Variants in PCNT observed in about 807,000 individuals in gnomAD.
PCNT encodes the protein kendrin.
In PCNT, 319 loss-of-function variants were observed where a neutral mutation model predicts 380.4. The observed-to-expected ratio is 0.84, with a 90% confidence interval of 0.77 to 0.92. The LOEUF (loss-of-function observed/expected upper bound fraction) is 0.92, where lower values mean the gene tolerates loss of function less well. Among genes scored for constraint, PCNT ranks in the 40% least tolerant of loss-of-function variants. PCNT has a pLI of 0.00. For missense variants in PCNT, 4,400 were observed against 4,255.3 expected (o/e 1.03, Z -0.95); for synonymous variants, 1,845 against 1,735.2 (o/e 1.06, Z -1.57).
chr21:46,377,701 A>T (rs2085373906), intron 15 of PCNT, among the ~76,000 whole-genome samples: 1 of 152,084 alleles, frequency 6.6e-6, no homozygotes, highest in African/African-American at 2.4e-5. Context: ...TAAAAAAATT[A>T]GCCTGGCATG....
chr21:46,355,225 A>G (rs2084428451), intron 11 of PCNT, among the ~76,000 whole-genome samples: 1 of 152,182 alleles, frequency 6.6e-6, no homozygotes, highest in Non-Finnish European at 1.5e-5. Context: ...AGTGCCACCA[A>G]TTCTTGTATG....
chr21:46,324,925 G>C, intron 1 of PCNT: 1 of 985,422 alleles, frequency 1.0e-6, no homozygotes, highest in Non-Finnish European at 1.2e-6. Flanking sequence ...CCCCCGCGGC[G>C]CTCCCGGCCG....
intron 20 of PCNT, 49 bp downstream of exon 20, chr21:46,390,881 A>T (rs768690929): frequency 6.4e-7 from 1 of 1,573,622 alleles, no homozygotes; most frequent in Non-Finnish European, 8.7e-7. Context: ...CACGGGGAGC[A>T]GGCCTGGCCT....
At chr21:46,439,994 C>T in intron 41 of PCNT, 89 bp from the exon 42 acceptor site, 1 of 1,548,422 alleles carries the variant, frequency 6.5e-7, no homozygotes, top group African/African-American at 1.4e-5. Flanking sequence ...CGCACATGGC[C>T]TTCTCCCTCA....
rs150396918 is a variant in PCNT at position 46,334,074 on chromosome 21, G to A, written c.268-323G>A. Among the ~76,000 whole-genome samples the A allele has an allele frequency of 8.4e-3, 1,280 of 151,822 alleles. 17 individuals carry two copies. The highest frequency in any genetic ancestry group is 0.029 in the African/African-American group (1,198 of 41,424). On this transcript the variant is annotated intron_variant, in intron 2 of 46. Coordinates refer to ENST00000359568, the MANE Select transcript of PCNT (RefSeq NM_006031.6). ...ACAAAAATTAGCTGGGCGTGGTGGC[G>A]GGCACCCATAGTCCCAGCTACTAGG...
At chr21:46,349,569 C>A in intron 7 of PCNT, 115 bp from the exon 8 acceptor site, 1 of 1,124,798 alleles carries the variant, frequency 8.9e-7, no homozygotes, top group Non-Finnish European at 1.4e-6. Flanking sequence ...GGCCCGGGGG[C>A]GCCCAGGATG....
At chr21:46,418,108 A>C (rs1462342898) in intron 30 of PCNT, 96 bp from the exon 31 acceptor site, 3 of 743,998 alleles carry the variant, frequency 4.0e-6, no homozygotes, top group East Asian at 2.6e-5. Context: ...CTATGTGGGA[A>C]GATAAATTCA....
chr21:46,390,247 A>G (rs952617296), intron 19 of PCNT, among the ~76,000 whole-genome samples: 5 of 152,262 alleles, frequency 3.3e-5, no homozygotes, highest in Non-Finnish European at 7.3e-5. Flanking sequence ...TGGGAGGCTG[A>G]GGCTGCCGTG....
intron 16 of PCNT, 59 bp from the exon 17 acceptor site, chr21:46,385,773 C>T (rs2085807672): frequency 3.2e-6 from 5 of 1,560,062 alleles, no homozygotes. Flanking sequence ...AAGTCCCTTA[C>T]AGCCATTTGC....
intron 25 of PCNT, among the ~76,000 whole-genome samples, chr21:46,400,815 C>T (rs1250670363): frequency 3.3e-5 from 5 of 152,270 alleles, no homozygotes; most frequent in Admixed American, 1.3e-4. Context: ...CCACCACGCC[C>T]GGCCAAGTGT....
chr21:46,432,013 T>C lies in PCNT; in HGVS notation c.8549T>C (p.Leu2850Pro), dbSNP rs764404937. 5.0e-6 allele frequency: 8 copies of C among 1,613,844 alleles called. No homozygotes were observed. The South Asian group carries it at 7.7e-5, about 16-fold the overall frequency. The change falls in exon 38 of 47, where the codon CTG becomes CCG. Residue 2850 changes from leucine (L) to proline (P), a missense_variant. Physicochemically the swap from Leu to Pro is moderately conservative, Grantham distance 98 (BLOSUM62 -3). Transcript: ENST00000359568. ...ACACTGAAGTCGACGGTGGAAGCCC[T>C]GCACACCCAAAAACGAGAGCTGAGA... The part of the protein sequence containing the change: ...SATLKSTVEA[L>P]HTQKRELRCS...
At chr21:46,358,743 G>C (rs2084573224) in intron 13 of PCNT, among the ~76,000 whole-genome samples, 1 of 151,592 alleles carries the variant, frequency 6.6e-6, no homozygotes, top group Non-Finnish European at 1.5e-5. Context: ...TCTTGCCTCA[G>C]CCTCCCTAGT....
At chr21:46,392,160 G>A (rs2086055564) in intron 21 of PCNT, among the ~76,000 whole-genome samples, 1 of 152,080 alleles carries the variant, frequency 6.6e-6, no homozygotes, top group African/African-American at 2.4e-5. Flanking sequence ...CTCATTTGCT[G>A]TCTTCTGTCT....
chr21:46,379,253 C>T (rs1355186960), intron 15 of PCNT, among the ~76,000 whole-genome samples: 2 of 137,986 alleles, frequency 1.4e-5, no homozygotes, highest in Non-Finnish European at 3.3e-5. Flanking sequence ...GTGAGCTGCG[C>T]CCGTCTTCCT....
intron 2 of PCNT, among the ~76,000 whole-genome samples, chr21:46,332,273 T>A (rs1020759427): frequency 1.3e-5 from 2 of 152,226 alleles, no homozygotes; most frequent in Admixed American, 1.3e-4. Context: ...TTAAGAAGTG[T>A]GGTTCTAGCA....
chr21:46,380,887 G>A (rs946686085), intron 15 of PCNT, among the ~76,000 whole-genome samples: 7 of 151,950 alleles, frequency 4.6e-5, no homozygotes, highest in African/African-American at 1.7e-4. Context: ...TTAATTGGCC[G>A]GGTGCAGTGG....
rs767033341 is a variant in PCNT at position 46,416,187 on chromosome 21, A to G, written c.6269A>G (p.Asp2090Gly). The G allele has an allele frequency of 6.2e-7, 1 of 1,614,204 alleles. No individual in the cohort carries two copies. The highest frequency in any genetic ancestry group is 1.3e-5 in the African/African-American group (1 of 75,042). The change falls in exon 30 of 47, where the codon GAT (aspartate) becomes GGT (glycine). Residue 2090 changes from aspartate (D) to glycine (G), a missense_variant. Coordinates refer to ENST00000359568, the MANE Select transcript of PCNT (RefSeq NM_006031.6). ...TATTCCATGACCTTCCAGAATGTGG[A>G]TGCTGCCGACACCAAATCTCTGTGG... Reference protein sequence around the residue: ...LLYSMTFQNVDAADTKSLWPM... With the variant: ...LLYSMTFQNVGAADTKSLWPM...
rs572786269 is a variant in PCNT, at chr21:46,433,899, G to C, written c.8751+1684G>C. 3.9e-5 allele frequency among the ~76,000 whole-genome samples: 6 copies of C among 152,308 alleles called. No homozygotes were observed. In the South Asian group the frequency reaches 1.0e-3, roughly 26 times the overall value. ...TGATTCTCCTGCCTCAGCCTCCTGA[G>C]TAGCTGGGATTACAGGTGCATGTCA... On this transcript the variant is annotated intron_variant, in intron 38 of 46. Transcript: ENST00000359568.
chr21:46,406,707 AAGT>A (rs1220830997), intron 27 of PCNT, among the ~76,000 whole-genome samples: 3 of 152,198 alleles, frequency 2.0e-5, no homozygotes, highest in African/African-American at 7.2e-5. Context: ...TTTTGCCATT[AAGT>A]ATATTAGCTT....
Sources: gnomAD v4.1 joint callset for allele counts (sites outside exome capture counted in the v4.1 genomes callset) on GRCh38, gnomAD v4.1.1 for gene constraint, MANE v1.5 for transcripts, NCBI Gene and HGNC (gene_info 2026-07-23, HGNC 2026-07-21) for gene names.